The following RAP1GDS1 variants were observed in gnomAD, a reference collection of about 807,000 sequenced individuals.
The protein encoded by RAP1GDS1 is Rap1 GTPase-GDP dissociation stimulator 1, also known as RAP1, GTP-GDP dissociation stimulator 1.
A neutral mutation model predicts 71.1 loss-of-function variants in RAP1GDS1; 35 were observed. The ratio of observed to expected loss-of-function variants is 0.49; its 90% CI spans 0.38 to 0.65. The LOEUF (loss-of-function observed/expected upper bound fraction) is 0.65, where lower values mean the gene tolerates loss of function less well. Among genes scored for constraint, RAP1GDS1 ranks in the 30% least tolerant of loss-of-function variants. The probability of loss-of-function intolerance (pLI) is 0.00; values close to 1 mark genes in which losing one functional copy is unlikely to be tolerated. For missense variants in RAP1GDS1, 663 were observed against 706.1 expected, an observed-to-expected ratio of 0.94 and a Z score of 0.69; for synonymous variants, 229 against 243.1, an observed-to-expected ratio of 0.94 and a Z score of 0.54.
At chr4:98,343,110 C>A in intron 2 of RAP1GDS1, 29 bp from the exon 3 acceptor site, 1 of 1,570,342 alleles carries the variant, frequency 6.4e-7, no homozygotes, top group Non-Finnish European at 8.6e-7. Flanking sequence ...AAGATTTTCA[C>A]TGAAGCTCTT....
At chr4:98,392,481 G>A (rs1274751332) in intron 6 of RAP1GDS1, among the ~76,000 whole-genome samples, 1 of 152,192 alleles carries the variant, frequency 6.6e-6, no homozygotes, top group Admixed American at 6.5e-5. Context: ...TCGGAAGGCC[G>A]AGGTGGGTGG....
In RAP1GDS1 at chr4:98,304,562, G is replaced by T. The variant is rs530418736; in HGVS notation, c.112+11047G>T. On this transcript the variant is annotated intron_variant, in intron 2 of 14. Transcript: ENST00000408927. ...GGGGTTGTTTTTTTCTTGTAAATTC[G>T]TTTGTAGTTCCTTGTAAATTCTGGA... is the stretch of plus-strand genomic sequence containing the variant. 2.6e-5 allele frequency among the ~76,000 whole-genome samples: 4 copies of T among 151,934 alleles called. No individual in the cohort carries two copies. In the East Asian group the frequency reaches 7.7e-4, roughly 29 times the overall value.
intron 1 of RAP1GDS1, among the ~76,000 whole-genome samples, chr4:98,283,010 G>T (rs1336714267): frequency 1.3e-5 from 2 of 151,644 alleles, no homozygotes; most frequent in Admixed American, 1.3e-4. Context: ...TTTGTTCTAG[G>T]AATTGAACGT....
At chr4:98,302,231 T>C (rs1728673096) in intron 2 of RAP1GDS1, among the ~76,000 whole-genome samples, 1 of 152,146 alleles carries the variant, frequency 6.6e-6, no homozygotes, top group African/African-American at 2.4e-5. Flanking sequence ...TTTGCAGATA[T>C]GAAGAGAAGA....
At chr4:98,402,747 C>T (rs80227302) in intron 6 of RAP1GDS1, among the ~76,000 whole-genome samples, 10,011 of 152,154 alleles carry the variant, frequency 0.066, 376 homozygotes, top group Admixed American at 0.13. Flanking sequence ...CCTGATAATT[C>T]ATTTACATGT....
intron 6 of RAP1GDS1, among the ~76,000 whole-genome samples, chr4:98,400,538 A>AAAAC (rs1434581830): frequency 4.2e-4 from 63 of 150,826 alleles, no homozygotes; most frequent in African/African-American, 1.5e-3. Flanking sequence ...TAAAAAAAAA[A>AAAAC]AAAAAAAAAC....
intron 4 of RAP1GDS1, among the ~76,000 whole-genome samples, chr4:98,367,514 A>G (rs1739679123): frequency 6.6e-6 from 1 of 152,190 alleles, no homozygotes. Flanking sequence ...AGGACGGTAG[A>G]TCCATCAACA....
chr4:98,284,485 C>T (rs1445176400), intron 1 of RAP1GDS1, among the ~76,000 whole-genome samples: 1 of 152,120 alleles, frequency 6.6e-6, no homozygotes, highest in East Asian at 1.9e-4. Flanking sequence ...GTTTATTGTA[C>T]TATTTTAACC....
At chr4:98,383,344 A>G (rs961792883) in intron 5 of RAP1GDS1, among the ~76,000 whole-genome samples, 1 of 151,568 alleles carries the variant, frequency 6.6e-6, no homozygotes, top group Non-Finnish European at 1.5e-5. Context: ...AGGAAAAAGT[A>G]TCTTCTAAAA....
intron 2 of RAP1GDS1, among the ~76,000 whole-genome samples, chr4:98,338,937 C>T (rs1475238621): frequency 6.6e-6 from 1 of 152,122 alleles, no homozygotes; most frequent in African/African-American, 2.4e-5. Context: ...AATATGTTTA[C>T]TTGGCAGCTT....
chr4:98,443,015 A>ATTTTTTTTTCTTTTTTTTTTTTTTTTTTT lies in RAP1GDS1; in HGVS notation c.*907_*908insCTTTTTTTTTTTTTTTTTTTTTTTTTTTT, dbSNP rs543199019. On this transcript the variant is annotated 3_prime_UTR_variant, in exon 15 of 15. Coordinates refer to ENST00000408927, the MANE Select transcript of RAP1GDS1 (RefSeq NM_001100427.2). Reference sequence around the variant, plus strand: ...TGAGTATAGTTCATTGAAGAATGGAATTTTTTTTTTTTTTTTTTTTTTTGC... The same window carrying ATTTTTTTTTCTTTTTTTTTTTTTTTTTTT: ...TGAGTATAGTTCATTGAAGAATGGAATTTTTTTTTCTTTTTTTTTTTTTTTTTTTTTTTTTTTTTTTTTTTTTTTTTTGC... 57 of 138,310 alleles carry ATTTTTTTTTCTTTTTTTTTTTTTTTTTTT rather than the reference A, an allele frequency of 4.1e-4. No individual in the cohort carries two copies. Among genetic ancestry groups the ATTTTTTTTTCTTTTTTTTTTTTTTTTTTT allele is most frequent in the Admixed American group, 8.6e-4 (9 of 10,410 alleles). The allele number at this position is 138,310 out of a possible 1,614,324, so 8.6% of individuals were successfully genotyped here.
intron 2 of RAP1GDS1, among the ~76,000 whole-genome samples, chr4:98,324,208 T>G (rs1271712694): frequency 7.0e-6 from 1 of 142,746 alleles, no homozygotes; most frequent in Non-Finnish European, 1.5e-5. Flanking sequence ...GAATCCAACT[T>G]ACAAGGGATG....
intron 12 of RAP1GDS1, among the ~76,000 whole-genome samples, chr4:98,426,632 C>G (rs538137772): frequency 6.6e-6 from 1 of 151,950 alleles, no homozygotes; most frequent in African/African-American, 2.4e-5. Flanking sequence ...GGATAAATTC[C>G]TGGAAAAATA....
intron 2 of RAP1GDS1, among the ~76,000 whole-genome samples, chr4:98,341,200 T>C (rs1735459312): frequency 6.6e-6 from 1 of 152,218 alleles, no homozygotes; most frequent in Non-Finnish European, 1.5e-5. Context: ...AAATAATTCC[T>C]GTTAGATTTT....
intron 4 of RAP1GDS1, among the ~76,000 whole-genome samples, chr4:98,355,798 C>T (rs1384764477): frequency 6.6e-6 from 1 of 152,082 alleles, no homozygotes; most frequent in Non-Finnish European, 1.5e-5. Context: ...AAGAAAACGG[C>T]CTTATATAAT....
intron 1 of RAP1GDS1, among the ~76,000 whole-genome samples, chr4:98,261,943 C>G (rs562665621): frequency 6.6e-6 from 1 of 152,258 alleles, no homozygotes. Context: ...CCTTTTCCCC[C>G]GCGTGTACTG....
At chr4:98,436,819 CATT>C in intron 13 of RAP1GDS1, 118 bp from the exon 14 acceptor site, 1 of 955,360 alleles carries the variant, frequency 1.0e-6, no homozygotes, top group Non-Finnish European at 1.4e-6. Context: ...TTTTCTAGGT[CATT>C]ATTATTTATC....
At chr4:98,427,963 T>C (rs1407112665) in intron 12 of RAP1GDS1, among the ~76,000 whole-genome samples, 1 of 152,020 alleles carries the variant, frequency 6.6e-6, no homozygotes, top group Non-Finnish European at 1.5e-5. Context: ...AAGTATACTA[T>C]AAGGCCACAG....
chr4:98,426,835 T>C (rs1455692662), intron 12 of RAP1GDS1, among the ~76,000 whole-genome samples: 1 of 152,004 alleles, frequency 6.6e-6, no homozygotes, highest in African/African-American at 2.4e-5. Flanking sequence ...TTCCAAAAGA[T>C]AGAGAAAGAG....
Sources: allele counts gnomAD v4.1 joint callset (sites outside exome capture counted in the v4.1 genomes callset), GRCh38; gene constraint gnomAD v4.1.1; transcripts MANE v1.5; gene names NCBI Gene and HGNC (gene_info 2026-07-23, HGNC 2026-07-21).